BAHCC1: variants seen among roughly 807,000 people sequenced by gnomAD.
BAHCC1 encodes BAH and coiled-coil domain-containing protein 1.
In BAHCC1, 43 loss-of-function variants were observed where a neutral mutation model predicts 88.2. The ratio of observed to expected loss-of-function variants is 0.49; its 90% CI spans 0.38 to 0.63. The LOEUF is 0.63. BAHCC1 is among the 20% of genes least tolerant of loss of function. The pLI is 0.00. For missense variants in BAHCC1, 3,023 were observed against 1,654.8 expected, an observed-to-expected ratio of 1.83 and a Z score of -14.34; for synonymous variants, 1,510 against 745.5, an observed-to-expected ratio of 2.03 and a Z score of -16.71.
intron 4 of BAHCC1, among the ~76,000 whole-genome samples, chr17:81,438,903 G>A (rs924474089): frequency 1.7e-4 from 26 of 152,076 alleles, no homozygotes; most frequent in African/African-American, 5.3e-4. Flanking sequence ...ACAGAAGCCC[G>A]CACTTCCTGG....
At position 81,456,454 on chromosome 17, in the gene BAHCC1, G is replaced by A. The variant is rs781895776; in HGVS notation, c.4727G>A (p.Arg1576Gln). 36 of 722,200 alleles carry A rather than the reference G, an allele frequency of 5.0e-5. No individual in the cohort carries two copies. The highest frequency in any genetic ancestry group is 3.2e-4 in the East Asian group (12 of 37,648). The allele number at this position is 722,200 out of a possible 1,614,324, so 44.7% of individuals were successfully genotyped here. A position where few individuals can be genotyped will look rare whatever the true frequency, so the allele number is the denominator to read the frequency against. The change falls in exon 16 of 28, where the codon CGG becomes CAG. Residue 1576 changes from arginine (R) to glutamine (Q), a missense_variant. Arg to Gln is a conservative substitution (Grantham distance 43, BLOSUM62 1). Transcript: ENST00000675386. ...QKEATPGGRI[R>Q]EKLSRAKSAK... is the part of the protein sequence containing the mutation. ...GAGGCTACCCCCGGGGGGCGCATCC[G>A]GGAGAAGCTGTCCCGAGCCAAGAGT...
Position 81,464,079 on chromosome 17 carries a change from A to G in BAHCC1, c.*262A>G, listed in dbSNP as rs1285310744. The G allele has an allele frequency of 2.7e-5, 15 of 554,806 alleles. No homozygotes were observed. In the Admixed American group the frequency reaches 4.3e-4, roughly 16 times the overall value. The allele number at this position is 554,806 out of a possible 1,614,324, so 34.4% of individuals were successfully genotyped here. A position where few individuals can be genotyped will look rare whatever the true frequency, so the allele number is the denominator to read the frequency against. ...TGGGTCCCCGGCCCGCCCCACCCAC[A>G]GCGCCCTCCGTTTCCCGCACCGGCA... On this transcript the variant is annotated 3_prime_UTR_variant, in exon 28 of 28. Coordinates refer to ENST00000675386, the MANE Select transcript of BAHCC1 (RefSeq NM_001377448.1).
At position 81,447,112 on chromosome 17, in the gene BAHCC1, CGAG is replaced by C. The variant is rs782070818; in HGVS notation, c.3243_3245del (p.Glu1081del). 1 of 779,346 alleles carries C rather than the reference CGAG, an allele frequency of 1.3e-6. No individual in the cohort carries two copies. Among genetic ancestry groups the C allele is most frequent in the Admixed American group, 1.7e-5 (1 of 59,032 alleles). The allele number at this position is 779,346 out of a possible 1,614,324, so 48.3% of individuals were successfully genotyped here. A position where few individuals can be genotyped will look rare whatever the true frequency, so the allele number is the denominator to read the frequency against. ...CCTCAGACGTGCACTCTTCTAACCT[CGAG>C]GACCCTGAAACTATGCAAACCACCG... On this transcript the variant is annotated inframe_deletion, in exon 11 of 28. Coordinates refer to ENST00000675386, the MANE Select transcript of BAHCC1 (RefSeq NM_001377448.1).
chr17:81,462,418 G>C (rs1335811595), intron 26 of BAHCC1: 1 of 492,982 alleles, frequency 2.0e-6, no homozygotes, highest in African/African-American at 1.9e-5. Flanking sequence ...GCTCGGGGGC[G>C]CATGTGGGGC....
At chr17:81,463,324 G>A (rs2030464786) in intron 27 of BAHCC1, among the ~76,000 whole-genome samples, 1 of 152,212 alleles carries the variant, frequency 6.6e-6, no homozygotes, top group Non-Finnish European at 1.5e-5. Flanking sequence ...GCTCCTCTCT[G>A]AGAAGAAGCC....
chr17:81,451,969 A>G lies in BAHCC1; in HGVS notation c.4180-2A>G. ...CACAGGCCCCTGTGCCCCCCCCACCAGGTGTGCCCCCTGAAGGCCGCCATC... is the reference window on the plus strand; with the variant it reads ...CACAGGCCCCTGTGCCCCCCCCACCGGGTGTGCCCCCTGAAGGCCGCCATC... On this transcript the variant is annotated splice_acceptor_variant, in intron 12 of 27. Transcript: ENST00000675386. LOFTEE classifies it high-confidence loss of function. The G allele has an allele frequency of 1.6e-6, 1 of 619,090 alleles. No homozygotes were observed. 38.3% of individuals were successfully genotyped at this position (619,090 alleles called of 1,614,324 possible).
chr17:81,399,621 C>G lies in BAHCC1; in HGVS notation c.-119C>G, dbSNP rs781936482. 1 of 648,070 alleles carries G rather than the reference C, an allele frequency of 1.5e-6. No homozygotes were observed. The highest frequency in any genetic ancestry group is 2.0e-5 in the African/African-American group (1 of 49,930). 40.1% of individuals were successfully genotyped at this position (648,070 alleles called of 1,614,324 possible). ...TCCCGCGTGCTGACCGGCCCCGCCG[C>G]CACCACCGCCTGTGACCCCGGACGC... On this transcript the variant is annotated 5_prime_UTR_variant, in exon 2 of 28. Coordinates refer to ENST00000675386, the MANE Select transcript of BAHCC1 (RefSeq NM_001377448.1). This position sits in a 1 kb window ranked among gnomAD's most constrained non-coding sequence, Gnocchi z 4.5.
chr17:81,399,108 G>A lies in BAHCC1; in HGVS notation c.-206-426G>A. On this transcript the variant is annotated intron_variant, in intron 1 of 27. Coordinates refer to ENST00000675386, the MANE Select transcript of BAHCC1 (RefSeq NM_001377448.1). The surrounding 1 kb of genome is among the most constrained non-coding windows in gnomAD (Gnocchi z 4.5). ...CGAGACACCTTTGGGCAGCGGGGGA[G>A]GGGAGAGGGTGTGCGTGTGAGTGTG... The A allele has an allele frequency of 4.1e-6, 1 of 241,546 alleles. No homozygotes were observed. Among genetic ancestry groups the A allele is most frequent in the South Asian group, 2.8e-5 (1 of 35,738 alleles). 15.0% of individuals were successfully genotyped at this position (241,546 alleles called of 1,614,324 possible). A position where few individuals can be genotyped will look rare whatever the true frequency, so the allele number is the denominator to read the frequency against.
intron 11 of BAHCC1, among the ~76,000 whole-genome samples, chr17:81,448,584 GGTT>G: frequency 6.6e-6 from 1 of 152,348 alleles, no homozygotes; most frequent in South Asian, 2.1e-4. Flanking sequence ...ACGGCGCCGT[GGTT>G]GTTGATAGCA....
intron 2 of BAHCC1, among the ~76,000 whole-genome samples, chr17:81,407,635 A>G (rs1383048601): frequency 6.6e-6 from 1 of 152,192 alleles, no homozygotes; most frequent in Non-Finnish European, 1.5e-5. Context: ...GCATGAACAG[A>G]CATTGCCGCC....
At chr17:81,419,583 G>A (rs1227678876) in intron 2 of BAHCC1, among the ~76,000 whole-genome samples, 4 of 152,090 alleles carry the variant, frequency 2.6e-5, no homozygotes, top group African/African-American at 4.8e-5. Flanking sequence ...GGTGTGGAGC[G>A]GAAGCCAGTG....
In BAHCC1 at chr17:81,450,502, T is replaced by A. The variant is rs7503071; in HGVS notation, c.3977-1166T>A. 1.3e-5 allele frequency among the ~76,000 whole-genome samples: 2 copies of A among 152,052 alleles called. 1 individual carries two copies. The highest frequency in any genetic ancestry group is 4.1e-4 in the South Asian group (2 of 4,824). ...GCGGTCACTGTGAGGGTAGCTCCCC[T>A]GTCCCTGCCCCCAGGTTGAGGTCCC... is the stretch of plus-strand genomic sequence containing the variant. On this transcript the variant is annotated intron_variant, in intron 11 of 27. Transcript: ENST00000675386.
Position 81,431,544 on chromosome 17 carries a change from G to A in BAHCC1, c.358+4565G>A, listed in dbSNP as rs937620130. ...GTGGCAGAACCTGAGCCCCAGGGAG[G>A]TTGGGGAGAGGGCCACCCCTGGTTT... On this transcript the variant is annotated intron_variant, in intron 3 of 27. Transcript: ENST00000675386. Among the ~76,000 whole-genome samples, 3 of 152,304 alleles carry A rather than the reference G, an allele frequency of 2.0e-5. No individual in the cohort carries two copies. In the South Asian group the frequency reaches 6.2e-4, roughly 32 times the overall value.
chr17:81,452,947 C>T (rs1356100001), intron 14 of BAHCC1, 96 bp downstream of exon 14: 1 of 614,590 alleles, frequency 1.6e-6, no homozygotes, highest in Non-Finnish European at 2.9e-6. Context: ...GGCTTCCAGG[C>T]TGCTGGTGCC....
intron 14 of BAHCC1, among the ~76,000 whole-genome samples, chr17:81,454,505 A>G (rs2064707410): frequency 6.6e-6 from 1 of 151,910 alleles, no homozygotes; most frequent in Non-Finnish European, 1.5e-5. Context: ...GTCCCTGGGG[A>G]CTCAGGGGAA....
intron 23 of BAHCC1, among the ~76,000 whole-genome samples, chr17:81,459,891 C>T (rs1479697886): frequency 6.6e-6 from 1 of 152,118 alleles, no homozygotes; most frequent in East Asian, 1.9e-4. Context: ...CACCAGCTCC[C>T]CTGGGCAAAA....
At chr17:81,427,155 G>C (rs2064210013) in intron 3 of BAHCC1, among the ~76,000 whole-genome samples, 176 bp downstream of exon 3, 1 of 152,290 alleles carries the variant, frequency 6.6e-6, no homozygotes, top group Middle Eastern at 3.4e-3. Flanking sequence ...CGGGGGAAGT[G>C]GTGATTGGTT....
chr17:81,462,193 G>A lies in BAHCC1; in HGVS notation c.7383+147G>A. 1.0e-5 allele frequency: 6 copies of A among 593,698 alleles called. No individual in the cohort carries two copies. In the South Asian group the frequency reaches 1.2e-4, roughly 12 times the overall value. The allele number at this position is 593,698 out of a possible 1,614,324, so 36.8% of individuals were successfully genotyped here. A position where few individuals can be genotyped will look rare whatever the true frequency, so the allele number is the denominator to read the frequency against. ...GTGGAAAACTCAAGGGAAGAACAAA[G>A]ACCCATCCATGACCCAGTGAGGCAG... On this transcript the variant is annotated intron_variant, in intron 26 of 27. Transcript: ENST00000675386.
intron 2 of BAHCC1, among the ~76,000 whole-genome samples, chr17:81,416,584 C>G (rs1365368656): frequency 1.7e-5 from 1 of 59,506 alleles, no homozygotes; most frequent in Non-Finnish European, 3.6e-5. Context: ...TGTGTGTGTC[C>G]GTGAGGATGG....
Sources: allele counts gnomAD v4.1 joint callset (sites outside exome capture counted in the v4.1 genomes callset), GRCh38; gene constraint gnomAD v4.1.1; non-coding constraint Gnocchi (gnomAD v3.1); transcripts MANE v1.5; gene names NCBI Gene and HGNC (gene_info 2026-07-23, HGNC 2026-07-21).